The following HELLS variants were observed in gnomAD, a reference collection of about 807,000 sequenced individuals.
HELLS encodes lymphoid-specific helicase.
In HELLS, 32 loss-of-function variants were observed where a neutral mutation model predicts 120.0. The observed-to-expected ratio is 0.27, with a 90% CI of 0.20 to 0.36. The LOEUF (loss-of-function observed/expected upper bound fraction) is 0.36, where lower values mean the gene tolerates loss of function less well. Ranked by LOEUF, HELLS falls within the 10% of genes least tolerant of loss-of-function variation. The pLI is 1.00. For missense variants in HELLS, 650 were observed against 993.4 expected (o/e 0.65, Z 4.65); for synonymous variants, 341 against 323.4 (o/e 1.05, Z -0.58).
chr10:94,576,717 A>G lies in HELLS; in HGVS notation c.944A>G (p.Asn315Ser). ...TQEERQKLVR[N>S]IYKRKGTLQI... ...GAGGAACGTCAAAAATTGGTAAGAA[A>G]TATTTACAAACGGAAAGGGACTTTG... Residue 315 changes from asparagine to serine, a missense_variant, in exon 10 of 22, where the codon AAT (asparagine) becomes AGT (serine). Physicochemically the swap from Asn to Ser is conservative, Grantham distance 46. Around this residue, in one of 9 missense-constraint regions of HELLS, gnomAD observed 61 missense variants for 86.5 expected, o/e 0.71. Coordinates refer to ENST00000348459, the MANE Select transcript of HELLS (RefSeq NM_018063.5). 2 of 1,611,594 alleles carry G rather than the reference A, an allele frequency of 1.2e-6. No individual in the cohort carries two copies. Among genetic ancestry groups the G allele is most frequent in the Non-Finnish European group, 1.7e-6 (2 of 1,177,990 alleles).
chr10:94,598,550 A>C (rs971272188), intron 21 of HELLS, among the ~76,000 whole-genome samples: 2 of 150,842 alleles, frequency 1.3e-5, no homozygotes, highest in South Asian at 4.2e-4. Context: ...TATGTTGTTC[A>C]TTTTAAAATT....
At chr10:94,564,835 T>G (rs1439268767) in intron 6 of HELLS, among the ~76,000 whole-genome samples, 1 of 152,050 alleles carries the variant, frequency 6.6e-6, no homozygotes, top group East Asian at 1.9e-4. Context: ...CCTCAGGTGA[T>G]CCTCACGCCT....
chr10:94,590,300 T>C (rs1845419529), intron 13 of HELLS, 113 bp from the exon 14 acceptor site: 3 of 880,734 alleles, frequency 3.4e-6, no homozygotes, highest in Non-Finnish European at 5.1e-6. Flanking sequence ...ACAACATTTG[T>C]ATTTGTCTAT....
intron 17 of HELLS, 39 bp from the exon 18 acceptor site, chr10:94,593,460 T>C (rs1297241389): frequency 1.6e-6 from 2 of 1,249,016 alleles, no homozygotes; most frequent in Admixed American, 1.8e-5. Context: ...TTGGTTAATT[T>C]ATTTTAATCT....
intron 6 of HELLS, among the ~76,000 whole-genome samples, chr10:94,566,654 CTT>C (rs35226277): frequency 5.6e-5 from 8 of 142,170 alleles, no homozygotes; most frequent in Admixed American, 1.4e-4. Context: ...TTTTTCTTTT[CTT>C]TTTTTTTTTT....
intron 4 of HELLS, among the ~76,000 whole-genome samples, chr10:94,560,914 G>A (rs1282757631): frequency 6.6e-6 from 1 of 151,862 alleles, no homozygotes; most frequent in East Asian, 1.9e-4. Context: ...AAATTAGCCA[G>A]GCATGATGGC....
At chr10:94,596,836 T>G (rs1845763206) in intron 19 of HELLS, 24 bp from the exon 20 acceptor site, 2 of 1,196,014 alleles carry the variant, frequency 1.7e-6, no homozygotes, top group Non-Finnish European at 2.5e-6. Flanking sequence ...AATTTTAATG[T>G]TTTTAATTTC....
In HELLS at chr10:94,573,970, C is replaced by T. The variant is rs755929983; in HGVS notation, c.488C>T (p.Ser163Phe). Reference protein sequence around the residue: ...KNKKENEDENSSSTNLCVEDL... With the variant: ...KNKKENEDENFSSTNLCVEDL... ...TTTTTTTCTCTACAGGATGAAAACT[C>T]CTCCTCTACTAATCTCTGTGTGGAA... The change falls in exon 8 of 22, where the codon TCC (serine) becomes TTC (phenylalanine). Residue 163 changes from serine (S) to phenylalanine (F), a missense_variant. Transcript: ENST00000348459. The T allele has an allele frequency of 5.6e-6, 9 of 1,599,018 alleles. No individual in the cohort carries two copies. The East Asian group carries it at 2.0e-4, about 36-fold the overall frequency.
intron 21 of HELLS, among the ~76,000 whole-genome samples, chr10:94,599,575 T>C (rs1431031685): frequency 6.6e-6 from 1 of 152,178 alleles, no homozygotes; most frequent in Non-Finnish European, 1.5e-5. Flanking sequence ...CAAGCTGGTC[T>C]CACACTCCTG....
chr10:94,589,699 T>G (rs1269745360), intron 13 of HELLS, among the ~76,000 whole-genome samples: 1 of 147,520 alleles, frequency 6.8e-6, no homozygotes, highest in Non-Finnish European at 1.5e-5. Flanking sequence ...TTTTTTTTTT[T>G]TTTTTGAGAC....
chr10:94,552,887 G>A (rs1192409117), intron 2 of HELLS, among the ~76,000 whole-genome samples: 1 of 152,198 alleles, frequency 6.6e-6, no homozygotes, highest in Non-Finnish European at 1.5e-5. Flanking sequence ...GCTGAGGTGG[G>A]AGGGTGGTTT....
chr10:94,560,018 C>G (rs1256735766), intron 4 of HELLS, among the ~76,000 whole-genome samples: 3 of 152,112 alleles, frequency 2.0e-5, no homozygotes, highest in African/African-American at 7.2e-5. Context: ...AGCTTCTGTG[C>G]TAAACTGCCT....
At chr10:94,562,315 ATC>A (rs1309662065) in intron 4 of HELLS, among the ~76,000 whole-genome samples, 1 of 152,090 alleles carries the variant, frequency 6.6e-6, no homozygotes, top group Non-Finnish European at 1.5e-5. Flanking sequence ...AAGCAGGGGA[ATC>A]TCTTGAACCT....
At chr10:94,575,954 C>T (rs924546842) in intron 9 of HELLS, among the ~76,000 whole-genome samples, 3 of 151,998 alleles carry the variant, frequency 2.0e-5, no homozygotes, top group Non-Finnish European at 2.9e-5. Context: ...TGCGCCACCA[C>T]GCCTGGCTAA....
intron 4 of HELLS, among the ~76,000 whole-genome samples, chr10:94,558,569 G>T (rs10786169): frequency 0.45 from 68,391 of 151,972 alleles, 15,674 homozygotes; most frequent in East Asian, 0.72. Context: ...ACATACTGTG[G>T]GTCAGGTGTG....
At chr10:94,596,648 G>A (rs1227876350) in intron 19 of HELLS, among the ~76,000 whole-genome samples, 2 of 152,164 alleles carry the variant, frequency 1.3e-5, no homozygotes, top group African/African-American at 4.8e-5. Context: ...GAGGGTGCGT[G>A]TTTAACTACT....
chr10:94,554,289 A>G, intron 3 of HELLS, 41 bp downstream of exon 3: 1 of 1,419,936 alleles, frequency 7.0e-7, no homozygotes, highest in Non-Finnish European at 9.5e-7. Context: ...GCTTAAAAAA[A>G]TTTAAAAATA....
intron 6 of HELLS, among the ~76,000 whole-genome samples, chr10:94,563,285 G>A (rs1253731477): frequency 6.6e-6 from 1 of 151,892 alleles, no homozygotes; most frequent in African/African-American, 2.4e-5. Context: ...CAGTAGAGAT[G>A]GGGTTTCACC....
chr10:94,549,563 A>T (rs1443534148), intron 2 of HELLS, among the ~76,000 whole-genome samples: 1 of 152,200 alleles, frequency 6.6e-6, no homozygotes, highest in Non-Finnish European at 1.5e-5. Context: ...AAGGATCATG[A>T]TATGTGTAGG....
Sources: gnomAD v4.1 joint callset for allele counts (sites outside exome capture counted in the v4.1 genomes callset) on GRCh38, gnomAD v4.1.1 for gene constraint, gnomAD v4.1.1 regional missense constraint, MANE v1.5 for transcripts, NCBI Gene and HGNC (gene_info 2026-07-23, HGNC 2026-07-21) for gene names.